The following HDAC9 variants were observed in gnomAD, a reference collection of about 807,000 sequenced individuals.
HDAC9 encodes MEF-2 interacting transcription repressor (MITR) protein.
HDAC9 carries 41 observed loss-of-function variants against 139.4 expected under a neutral mutation model. That is an observed-to-expected ratio of 0.29 (90% CI 0.23 to 0.38). The LOEUF (loss-of-function observed/expected upper bound fraction) is 0.38. Among genes scored for constraint, HDAC9 ranks in the 10% least tolerant of loss-of-function variants. The pLI is 1.00. For missense variants in HDAC9, 1,147 were observed against 1,297.0 expected, an observed-to-expected ratio of 0.88 and a Z score of 1.78; for synonymous variants, 517 against 476.2, an observed-to-expected ratio of 1.09 and a Z score of -1.12.
At chr7:18,585,901 GA>G (rs528416676) in intron 3 of HDAC9, among the ~76,000 whole-genome samples, 10 of 152,094 alleles carry the variant, frequency 6.6e-5, no homozygotes, top group South Asian at 2.1e-4. Context: ...TACTATTTGT[GA>G]GAAAGGATAA....
chr7:18,482,883 C>T (rs1407236601), intron 1 of HDAC9, among the ~76,000 whole-genome samples: 1 of 152,142 alleles, frequency 6.6e-6, no homozygotes, highest in East Asian at 1.9e-4. Flanking sequence ...GAAGAACTAA[C>T]ACTTGTCAAA....
intron 25 of HDAC9, among the ~76,000 whole-genome samples, chr7:18,987,811 C>G (rs534631161): frequency 1.3e-5 from 2 of 151,916 alleles, no homozygotes; most frequent in Non-Finnish European, 2.9e-5. Flanking sequence ...TGTATGTGTC[C>G]AGGAATTTAT....
chr7:18,307,065 A>G (rs980874557), intron 1 of HDAC9, among the ~76,000 whole-genome samples: 4 of 150,562 alleles, frequency 2.7e-5, no homozygotes, highest in Non-Finnish European at 5.9e-5. Flanking sequence ...GTGTGTTTAT[A>G]TCTTGGCCCT....
intron 17 of HDAC9, among the ~76,000 whole-genome samples, chr7:18,802,919 T>A (rs1301586266): frequency 6.6e-6 from 1 of 151,858 alleles, no homozygotes; most frequent in African/African-American, 2.4e-5. Context: ...CATTCCTGGA[T>A]TTGTTTTCTA....
chr7:18,323,858 G>A (rs1372130264), intron 1 of HDAC9, among the ~76,000 whole-genome samples: 1 of 151,758 alleles, frequency 6.6e-6, no homozygotes, highest in Non-Finnish European at 1.5e-5. Flanking sequence ...CAGTTGTGGA[G>A]CTTGGGAAGT....
intron 2 of HDAC9, among the ~76,000 whole-genome samples, chr7:18,180,220 G>GACACAC (rs1438507183): frequency 1.4e-4 from 13 of 91,050 alleles, no homozygotes; most frequent in Admixed American, 4.9e-4. Flanking sequence ...CCCTCCCCAA[G>GACACAC]ACACATACAC....
chr7:18,279,262 A>G (rs1231112787), intron 2 of HDAC9, among the ~76,000 whole-genome samples: 1 of 152,174 alleles, frequency 6.6e-6, no homozygotes, highest in Non-Finnish European at 1.5e-5. Flanking sequence ...TTCATCTCAC[A>G]GCCTGCCTGG....
At chr7:18,465,026 A>G (rs1794152928) in intron 1 of HDAC9, among the ~76,000 whole-genome samples, 1 of 151,944 alleles carries the variant, frequency 6.6e-6, no homozygotes, top group Non-Finnish European at 1.5e-5. Context: ...GGCACTTAGG[A>G]TCTTTAGCTT....
intron 1 of HDAC9, among the ~76,000 whole-genome samples, chr7:18,114,177 T>C (rs960186057): frequency 6.6e-6 from 1 of 152,236 alleles, no homozygotes; most frequent in African/African-American, 2.4e-5. Flanking sequence ...GGTCTAAATA[T>C]CATGTTCAAG....
At chr7:18,306,911 C>G (rs1270912183) in intron 1 of HDAC9, among the ~76,000 whole-genome samples, 2 of 152,108 alleles carry the variant, frequency 1.3e-5, no homozygotes, top group Non-Finnish European at 2.9e-5. Context: ...TCCAAACTCC[C>G]TCATGCAGCC....
chr7:18,129,816 A>C (rs1784893664), intron 1 of HDAC9, among the ~76,000 whole-genome samples: 1 of 152,300 alleles, frequency 6.6e-6, no homozygotes, highest in East Asian at 1.9e-4. Flanking sequence ...AGAAGGCAAT[A>C]AAATAAGTAA....
At chr7:18,525,374 T>C (rs537497582) in intron 2 of HDAC9, among the ~76,000 whole-genome samples, 1 of 152,280 alleles carries the variant, frequency 6.6e-6, no homozygotes, top group East Asian at 1.9e-4. Context: ...TCTTTTGTCC[T>C]TTTCTACTTG....
At chr7:18,523,360 A>G (rs907648466) in intron 2 of HDAC9, among the ~76,000 whole-genome samples, 6 of 152,358 alleles carry the variant, frequency 3.9e-5, no homozygotes, top group African/African-American at 1.4e-4. Context: ...AGCAAGGAAT[A>G]GGGAGAGAAT....
intron 21 of HDAC9, among the ~76,000 whole-genome samples, chr7:18,847,520 T>A (rs1796991889): frequency 6.6e-6 from 1 of 152,134 alleles, no homozygotes; most frequent in Non-Finnish European, 1.5e-5. Context: ...GAAGTGGAAA[T>A]AAGTGAGGAA....
intron 22 of HDAC9, among the ~76,000 whole-genome samples, chr7:18,877,105 C>T (rs926520655): frequency 6.6e-6 from 1 of 152,090 alleles, no homozygotes; most frequent in African/African-American, 2.4e-5. Context: ...TTTTGTGATA[C>T]TTAAGTGAAA....
intron 17 of HDAC9, among the ~76,000 whole-genome samples, chr7:18,797,838 A>G (rs1278520997): frequency 6.6e-6 from 1 of 152,096 alleles, no homozygotes; most frequent in Non-Finnish European, 1.5e-5. Context: ...CAGAAAAAAA[A>G]AAAAATTCCT....
At chr7:18,903,527 T>C (rs955399900) in intron 22 of HDAC9, among the ~76,000 whole-genome samples, 5 of 152,238 alleles carry the variant, frequency 3.3e-5, no homozygotes, top group African/African-American at 1.2e-4. Context: ...CTAGAGTTTC[T>C]GTTTTTAGCT....
At chr7:18,755,665 T>C (rs546106629) in intron 14 of HDAC9, among the ~76,000 whole-genome samples, 1 of 152,248 alleles carries the variant, frequency 6.6e-6, no homozygotes, top group African/African-American at 2.4e-5. Flanking sequence ...TTTTCTTGCT[T>C]TCTGGTGAGG....
intron 1 of HDAC9, among the ~76,000 whole-genome samples, chr7:18,110,554 G>C (rs898434848): frequency 6.6e-6 from 1 of 152,104 alleles, no homozygotes; most frequent in Admixed American, 6.5e-5. Context: ...TGGGAATATG[G>C]ATGGTGAGTG....
Sources: gnomAD v4.1 joint callset for allele counts (sites outside exome capture counted in the v4.1 genomes callset) on GRCh38, gnomAD v4.1.1 for gene constraint, MANE v1.5 for transcripts, NCBI Gene and HGNC (gene_info 2026-07-23, HGNC 2026-07-21) for gene names.